The following LSM14A variants were observed in gnomAD, a reference collection of about 807,000 sequenced individuals.
LSM14A encodes the protein protein LSM14 homolog A.
In LSM14A, 14 loss-of-function variants were observed where a neutral mutation model predicts 52.4. That is an observed-to-expected ratio of 0.27 (90% CI 0.18 to 0.42). LSM14A has a LOEUF of 0.42. Among genes scored for constraint, LSM14A ranks in the 10% least tolerant of loss-of-function variants. The probability of loss-of-function intolerance (pLI) is 1.00; values close to 1 mark genes in which losing one functional copy is unlikely to be tolerated. For synonymous variants in LSM14A, 185 were observed against 200.3 expected (o/e 0.92, Z 0.64); for missense variants, 417 against 581.8 (o/e 0.72, Z 2.91).
intron 6 of LSM14A, among the ~76,000 whole-genome samples, chr19:34,217,652 G>T (rs1458568699): frequency 1.2e-5 from 1 of 82,532 alleles, no homozygotes; most frequent in Non-Finnish European, 2.2e-5. Context: ...TTTTGAGACA[G>T]AGTCAACCTC....
intron 1 of LSM14A, among the ~76,000 whole-genome samples, chr19:34,185,786 G>T (rs868395179): frequency 6.6e-6 from 1 of 152,188 alleles, no homozygotes; most frequent in South Asian, 2.1e-4. Flanking sequence ...ATGGACAAGA[G>T]CTGTACATAT....
chr19:34,194,689 G>T, intron 2 of LSM14A, 48 bp downstream of exon 2: 2 of 1,574,998 alleles, frequency 1.3e-6, no homozygotes. Context: ...CTCCGCACAG[G>T]GTTAGCCTTG....
chr19:34,208,897 AT>A (rs769177641), intron 3 of LSM14A, 31 bp from the exon 4 acceptor site: 2 of 1,487,362 alleles, frequency 1.3e-6, no homozygotes, highest in East Asian at 2.5e-5. Flanking sequence ...ATTTTTTAAA[AT>A]TTTTTTATCA....
intron 3 of LSM14A, among the ~76,000 whole-genome samples, chr19:34,204,052 AG>A (rs2071505645): frequency 6.6e-6 from 1 of 152,230 alleles, no homozygotes; most frequent in Non-Finnish European, 1.5e-5. Flanking sequence ...AGGAGCTTAA[AG>A]ATCAGGATTT....
intron 7 of LSM14A, 24 bp from the exon 8 acceptor site, chr19:34,219,682 T>A (rs1465337048): frequency 1.3e-6 from 2 of 1,596,306 alleles, no homozygotes; most frequent in Non-Finnish European, 1.7e-6. Context: ...TCTTGACTTT[T>A]CTGATATGTG....
At chr19:34,205,068 G>A (rs1197309557) in intron 3 of LSM14A, among the ~76,000 whole-genome samples, 5 of 152,076 alleles carry the variant, frequency 3.3e-5, no homozygotes, top group African/African-American at 1.2e-4. Context: ...GGAGGCAGAG[G>A]TTGCAGTGAG....
At chr19:34,204,247 C>T (rs1354319746) in intron 3 of LSM14A, among the ~76,000 whole-genome samples, 1 of 152,162 alleles carries the variant, frequency 6.6e-6, no homozygotes, top group Non-Finnish European at 1.5e-5. Context: ...TAAAATAAGT[C>T]ACACTAAATT....
intron 9 of LSM14A, among the ~76,000 whole-genome samples, chr19:34,222,677 G>C (rs1368417363): frequency 6.6e-6 from 1 of 152,140 alleles, no homozygotes; most frequent in Non-Finnish European, 1.5e-5. Context: ...AGTGGCTTTT[G>C]GACCTGCTCT....
chr19:34,175,213 A>G (rs2068994939), intron 1 of LSM14A, among the ~76,000 whole-genome samples: 1 of 151,510 alleles, frequency 6.6e-6, no homozygotes, highest in Non-Finnish European at 1.5e-5. Context: ...CCACATCATT[A>G]TATGCTTTTT....
intron 4 of LSM14A, among the ~76,000 whole-genome samples, chr19:34,213,068 T>C (rs2072286515): frequency 6.6e-6 from 1 of 152,120 alleles, no homozygotes; most frequent in Non-Finnish European, 1.5e-5. Flanking sequence ...GGAAGATCAT[T>C]GGGTCCCAGG....
chr19:34,199,363 T>C (rs1016514874), intron 3 of LSM14A, among the ~76,000 whole-genome samples: 25 of 152,136 alleles, frequency 1.6e-4, no homozygotes, highest in African/African-American at 5.8e-4. Flanking sequence ...ACTTGTGACC[T>C]TGAGTGATCC....
At chr19:34,187,230 C>T (rs1347883063) in intron 1 of LSM14A, among the ~76,000 whole-genome samples, 1 of 147,634 alleles carries the variant, frequency 6.8e-6, no homozygotes, top group Non-Finnish European at 1.5e-5. Flanking sequence ...GCCTAAGCAA[C>T]AGACCAAGAC....
intron 1 of LSM14A, among the ~76,000 whole-genome samples, chr19:34,188,116 A>T (rs956634748): frequency 1.3e-5 from 2 of 152,078 alleles, no homozygotes; most frequent in Admixed American, 1.3e-4. Flanking sequence ...GCGAAATCCT[A>T]TCTCTACAAA....
chr19:34,218,338 G>A (rs1008295513), intron 6 of LSM14A, among the ~76,000 whole-genome samples: 1 of 152,118 alleles, frequency 6.6e-6, no homozygotes, highest in Non-Finnish European at 1.5e-5. Context: ...AAGGATCATG[G>A]TGTAATTCTG....
chr19:34,212,292 A>G (rs546017140), intron 4 of LSM14A, among the ~76,000 whole-genome samples: 2 of 152,270 alleles, frequency 1.3e-5, no homozygotes, highest in East Asian at 1.9e-4. Flanking sequence ...GGCCCTGCAC[A>G]CTAGCCTAGG....
At chr19:34,172,907 C>A (rs1599647598) in intron 1 of LSM14A, 144 bp downstream of exon 1, 2 of 1,023,604 alleles carry the variant, frequency 2.0e-6, no homozygotes, top group Non-Finnish European at 2.6e-6. Context: ...CGGGCCCCGG[C>A]GTCGCGGGCC....
chr19:34,205,897 C>T (rs934493300), intron 3 of LSM14A, among the ~76,000 whole-genome samples: 37 of 151,678 alleles, frequency 2.4e-4, no homozygotes, highest in African/African-American at 8.7e-4. Context: ...CCTAACAAAA[C>T]TGATTAAGGA....
At chr19:34,189,815 T>G (rs892000512) in intron 1 of LSM14A, among the ~76,000 whole-genome samples, 1 of 152,106 alleles carries the variant, frequency 6.6e-6, no homozygotes, top group Non-Finnish European at 1.5e-5. Context: ...AATAAAAAGA[T>G]AGTAGTGTGC....
At chr19:34,207,764 C>T (rs557020794) in intron 3 of LSM14A, among the ~76,000 whole-genome samples, 3 of 152,088 alleles carry the variant, frequency 2.0e-5, no homozygotes, top group Non-Finnish European at 4.4e-5. Flanking sequence ...CTCCTGATCT[C>T]GTGATCTGCC....
Sources: gnomAD v4.1 joint callset for allele counts (sites outside exome capture counted in the v4.1 genomes callset) on GRCh38, gnomAD v4.1.1 for gene constraint, MANE v1.5 for transcripts, NCBI Gene and HGNC (gene_info 2026-07-23, HGNC 2026-07-21) for gene names.